Variants in TMEM106B observed in about 807,000 individuals in gnomAD.
The protein encoded by TMEM106B is transmembrane protein 106B.
In TMEM106B, 15 loss-of-function variants were observed where a neutral mutation model predicts 31.1. That is an observed-to-expected ratio of 0.48 (90% CI 0.32 to 0.74). The LOEUF is 0.74. Ranked by LOEUF, TMEM106B falls within the 30% of genes least tolerant of loss-of-function variation. TMEM106B has a pLI of 0.03. For missense variants in TMEM106B, 283 were observed against 327.3 expected, an observed-to-expected ratio of 0.86 and a Z score of 1.04; for synonymous variants, 126 against 112.5, an observed-to-expected ratio of 1.12 and a Z score of -0.76.
At position 12,230,075 on chromosome 7, in the gene TMEM106B, G is replaced by C. The variant is rs576847631; in HGVS notation, c.582+256G>C. ...CTACAAAAAAATACAAAAATGTGCT[G>C]AGTGTGGTAGTGTGCACCTCTCTTC... On this transcript the variant is annotated intron_variant, in intron 5 of 7. Coordinates refer to ENST00000396668, the MANE Select transcript of TMEM106B (RefSeq NM_001134232.2). 3.9e-5 allele frequency among the ~76,000 whole-genome samples: 6 copies of C among 152,044 alleles called. No homozygotes were observed. In the East Asian group the frequency reaches 7.8e-4, roughly 20 times the overall value.
At chr7:12,217,183 G>C (rs1170757105) in intron 2 of TMEM106B, among the ~76,000 whole-genome samples, 1 of 152,176 alleles carries the variant, frequency 6.6e-6, no homozygotes, top group African/African-American at 2.4e-5. Flanking sequence ...CAAGAACAAA[G>C]AGCTGCTCTT....
chr7:12,224,541 G>A (rs1215166220), intron 4 of TMEM106B, among the ~76,000 whole-genome samples, 156 bp downstream of exon 4: 9 of 151,960 alleles, frequency 5.9e-5, no homozygotes, highest in Admixed American at 1.3e-4. Flanking sequence ...TACCATTTCT[G>A]GTTCTGCTAA....
chr7:12,226,249 G>C (rs1057267459), intron 4 of TMEM106B, among the ~76,000 whole-genome samples: 7 of 152,134 alleles, frequency 4.6e-5, no homozygotes, highest in Non-Finnish European at 8.8e-5. Context: ...TTTGGTACCA[G>C]TACCATGCTG....
chr7:12,212,332 A>T (rs1781597455), intron 1 of TMEM106B, among the ~76,000 whole-genome samples: 1 of 152,134 alleles, frequency 6.6e-6, no homozygotes, highest in Non-Finnish European at 1.5e-5. Flanking sequence ...CAATTCATCT[A>T]GTGTTCCGCA....
Position 12,231,905 on chromosome 7 carries a change from A to G in TMEM106B, c.755A>G (p.Asp252Gly). Reference sequence around the variant, plus strand: ...TCCCAGGAGAGGTATCAGTATGTCGACTGTGGAAGAAACACAACTTATCAG... The same window carrying G: ...TCCCAGGAGAGGTATCAGTATGTCGGCTGTGGAAGAAACACAACTTATCAG... The part of the protein sequence containing the change: ...QISQERYQYV[D>G]CGRNTTYQLG... Residue 252 changes from aspartate (D) to glycine (G), a missense_variant, in exon 8 of 8, where the codon GAC becomes GGC. This residue lies in a region of TMEM106B where 201 missense variants were observed against 211.5 expected (regional missense o/e 0.95). Coordinates refer to ENST00000396668, the MANE Select transcript of TMEM106B (RefSeq NM_001134232.2). The G allele has an allele frequency of 6.2e-7, 1 of 1,612,720 alleles. No homozygotes were observed. The highest frequency in any genetic ancestry group is 8.5e-7 in the Non-Finnish European group (1 of 1,179,060).
At chr7:12,218,002 G>C (rs1781720859) in intron 2 of TMEM106B, among the ~76,000 whole-genome samples, 2 of 152,054 alleles carry the variant, frequency 1.3e-5, no homozygotes, top group African/African-American at 4.8e-5. Context: ...TTCTACTTCA[G>C]AGGCCGGTTT....
chr7:12,218,375 C>A, intron 2 of TMEM106B, 83 bp from the exon 3 acceptor site: 1 of 1,170,188 alleles, frequency 8.5e-7, no homozygotes, highest in Admixed American at 2.0e-5. Context: ...ATATTCTGGT[C>A]TTTCCAAACC....
chr7:12,224,417 C>T, intron 4 of TMEM106B, 32 bp downstream of exon 4: 7 of 1,566,690 alleles, frequency 4.5e-6, no homozygotes, highest in South Asian at 1.1e-5. Flanking sequence ...AAATGTTTAA[C>T]TTCATTCTTT....
In TMEM106B at chr7:12,236,139, A is replaced by C. The variant is rs1583224649; in HGVS notation, c.*4164A>C. 4 of 151,952 alleles carry C rather than the reference A, an allele frequency of 2.6e-5. No individual in the cohort carries two copies. In the East Asian group the frequency reaches 7.7e-4, roughly 29 times the overall value. The allele number at this position is 151,952 out of a possible 1,614,324, so 9.4% of individuals were successfully genotyped here. On this transcript the variant is annotated 3_prime_UTR_variant, in exon 8 of 8. Transcript: ENST00000396668. ...AATTTAACTTCTGTGTCCCAGATCT[A>C]CTTTCAAAGTGAGATTTTCACTTGT...
rs1782029403 is a variant in TMEM106B, at chr7:12,231,820, ACTT to A, written c.687-16_687-14del. On this transcript the variant is annotated splice_polypyrimidine_tract_variant and intron_variant, in intron 7 of 7. Coordinates refer to ENST00000396668, the MANE Select transcript of TMEM106B (RefSeq NM_001134232.2). ...ATATAACTATTAAATGTCTCTCCTC[ACTT>A]ACATTATTTTTAGAGTTACTGTGAC... The A allele has an allele frequency of 6.3e-7, 1 of 1,581,672 alleles. No homozygotes were observed. The highest frequency in any genetic ancestry group is 2.3e-5 in the East Asian group (1 of 44,368).
At chr7:12,220,866 G>C (rs752806626) in intron 3 of TMEM106B, among the ~76,000 whole-genome samples, 2 of 152,036 alleles carry the variant, frequency 1.3e-5, no homozygotes, top group Non-Finnish European at 2.9e-5. Flanking sequence ...AGGACTGATG[G>C]AATAAGATAC....
At position 12,231,792 on chromosome 7, in the gene TMEM106B, C is replaced by A. The variant is rs1192283646; in HGVS notation, c.687-45C>A. 6.0e-6 allele frequency: 9 copies of A among 1,496,278 alleles called. No homozygotes were observed. In the African/African-American group the frequency reaches 1.3e-4, roughly 21 times the overall value. The allele number at this position is 1,496,278 out of a possible 1,614,324, so 92.7% of individuals were successfully genotyped here. A position where few individuals can be genotyped will look rare whatever the true frequency, so the allele number is the denominator to read the frequency against. ...AAGTAGTCTCACTATGGAAAAACTT[C>A]TAATATAACTATTAAATGTCTCTCC... On this transcript the variant is annotated intron_variant, in intron 7 of 7. Transcript: ENST00000396668.
intron 3 of TMEM106B, among the ~76,000 whole-genome samples, chr7:12,219,031 G>C (rs1282594922): frequency 9.1e-6 from 1 of 109,608 alleles, no homozygotes; most frequent in African/African-American, 4.4e-5. Context: ...GACAAGATTT[G>C]CATGCTCTAG....
intron 3 of TMEM106B, among the ~76,000 whole-genome samples, chr7:12,223,463 C>G (rs1781827935): frequency 6.6e-6 from 1 of 152,026 alleles, no homozygotes; most frequent in Non-Finnish European, 1.5e-5. Context: ...GCATGATTAG[C>G]TATTTTTCCT....
Position 12,214,832 on chromosome 7 carries a change from T to C in TMEM106B, c.22T>C (p.Leu8=). The part of the protein sequence containing the change: MGKSLSH[L]PLHSSKEDAY... ...AGACATGGGAAAGTCTCTTTCTCAT[T>C]TGCCTTTGCATTCAAGCAAAGAAGA... is the stretch of plus-strand genomic sequence containing the variant. The change falls in exon 2 of 8, where the codon TTG becomes CTG. Residue 8 remains leucine, a synonymous_variant. Coordinates refer to ENST00000396668, the MANE Select transcript of TMEM106B (RefSeq NM_001134232.2). 3.7e-6 allele frequency: 6 copies of C among 1,612,748 alleles called. No individual in the cohort carries two copies. The highest frequency in any genetic ancestry group is 5.1e-6 in the Non-Finnish European group (6 of 1,179,518).
In TMEM106B at chr7:12,238,244, C is replaced by T; in HGVS notation, c.*6269C>T. The T allele has an allele frequency of 6.0e-6, 1 of 165,824 alleles. No individual in the cohort carries two copies. The highest frequency in any genetic ancestry group is 1.7e-4 in the East Asian group (1 of 5,722). 10.3% of individuals were successfully genotyped at this position (165,824 alleles called of 1,614,324 possible). A position where few individuals can be genotyped will look rare whatever the true frequency, so the allele number is the denominator to read the frequency against. On this transcript the variant is annotated 3_prime_UTR_variant, in exon 8 of 8. Transcript: ENST00000396668. Reference sequence around the variant, plus strand: ...AGATTCCAACTCAAGAAACCACTTTCTTAGCTCATTCATAAGAAACAATTC... The same window carrying T: ...AGATTCCAACTCAAGAAACCACTTTTTTAGCTCATTCATAAGAAACAATTC...
chr7:12,226,093 C>G (rs938832085), intron 4 of TMEM106B, among the ~76,000 whole-genome samples: 2 of 151,852 alleles, frequency 1.3e-5, no homozygotes, highest in Non-Finnish European at 2.9e-5. Flanking sequence ...CTACTTATGA[C>G]AAGCCAGTTT....
intron 3 of TMEM106B, among the ~76,000 whole-genome samples, chr7:12,221,147 A>G (rs976845404): frequency 2.6e-5 from 4 of 151,972 alleles, no homozygotes; most frequent in Admixed American, 6.6e-5. Context: ...ATAACTTAAA[A>G]GATGAAATCA....
At position 12,218,522 on chromosome 7, in the gene TMEM106B, G is replaced by A. The variant is rs751818729; in HGVS notation, c.281+1G>A. 8.1e-6 allele frequency: 13 copies of A among 1,608,272 alleles called. No homozygotes were observed. The highest frequency in any genetic ancestry group is 2.7e-5 in the African/African-American group (2 of 74,630). On this transcript the variant is annotated splice_donor_variant, in intron 3 of 7. Coordinates refer to ENST00000396668, the MANE Select transcript of TMEM106B (RefSeq NM_001134232.2). LOFTEE classifies it high-confidence loss of function. ...ATCAGAGATTAAGGCCAAGAAGAAC[G>A]TAAGTGATTCTAAGAATATGGCAGT...
Sources: gnomAD v4.1 joint callset for allele counts (sites outside exome capture counted in the v4.1 genomes callset) on GRCh38, gnomAD v4.1.1 for gene constraint, gnomAD v4.1.1 regional missense constraint, MANE v1.5 for transcripts, NCBI Gene and HGNC (gene_info 2026-07-23, HGNC 2026-07-21) for gene names.